KIF5C: variants seen among roughly 807,000 people sequenced by gnomAD.
KIF5C encodes the protein kinesin heavy chain isoform 5C.
In KIF5C, 18 loss-of-function variants were observed where a neutral mutation model predicts 125.2. The observed-to-expected ratio is 0.14, with a 90% CI of 0.10 to 0.21. The LOEUF (loss-of-function observed/expected upper bound fraction) is 0.21, where lower values mean the gene tolerates loss of function less well. Among genes scored for constraint, KIF5C ranks in the 10% least tolerant of loss-of-function variants. The probability of loss-of-function intolerance (pLI) is 1.00; values close to 1 mark genes in which losing one functional copy is unlikely to be tolerated. For synonymous variants in KIF5C, 405 were observed against 434.0 expected, an observed-to-expected ratio of 0.93 and a Z score of 0.83; for missense variants, 780 against 1,183.8, an observed-to-expected ratio of 0.66 and a Z score of 5.01.
chr2:148,945,038 C>T (rs1682490950), intron 7 of KIF5C, among the ~76,000 whole-genome samples: 1 of 152,092 alleles, frequency 6.6e-6, no homozygotes, highest in Admixed American at 6.5e-5. Context: ...GTATTCTGGA[C>T]ATCAATCCCT....
At chr2:148,934,143 C>G (rs1414721388) in intron 3 of KIF5C, among the ~76,000 whole-genome samples, 1 of 151,142 alleles carries the variant, frequency 6.6e-6, no homozygotes, top group African/African-American at 2.4e-5. Context: ...ATACATCATA[C>G]ACACACAGAC....
intron 25 of KIF5C, among the ~76,000 whole-genome samples, chr2:149,017,867 A>T (rs143213544): frequency 1.3e-5 from 2 of 152,222 alleles, no homozygotes; most frequent in Non-Finnish European, 2.9e-5. Flanking sequence ...TAAAACCACA[A>T]ATAAAAAGTC....
At chr2:148,897,058 C>G (rs1047728814) in intron 1 of KIF5C, among the ~76,000 whole-genome samples, 2 of 152,290 alleles carry the variant, frequency 1.3e-5, no homozygotes, top group Admixed American at 6.5e-5. Flanking sequence ...GTCTCAAACT[C>G]CTGACCTCAG....
intron 14 of KIF5C, among the ~76,000 whole-genome samples, chr2:148,982,535 G>T (rs921070572): frequency 6.6e-6 from 1 of 152,198 alleles, no homozygotes. Context: ...AATGCTCCTC[G>T]CGGCATACAT....
chr2:148,970,768 G>A (rs1356560567), intron 11 of KIF5C, among the ~76,000 whole-genome samples: 6 of 152,148 alleles, frequency 3.9e-5, no homozygotes, highest in Non-Finnish European at 7.3e-5. Flanking sequence ...GTCTATCCCC[G>A]GCCCCTGCCC....
intron 6 of KIF5C, 39 bp from the exon 7 acceptor site, chr2:148,942,634 A>T (rs1441824307): frequency 6.3e-7 from 1 of 1,582,936 alleles, no homozygotes; most frequent in South Asian, 1.2e-5. Context: ...GTTGCTTTTC[A>T]ACTCTTTCAG....
chr2:148,891,655 G>A (rs1681710779), intron 1 of KIF5C, among the ~76,000 whole-genome samples: 1 of 152,050 alleles, frequency 6.6e-6, no homozygotes, highest in African/African-American at 2.4e-5. Flanking sequence ...TTAAATAAGT[G>A]CTTTACATAT....
In KIF5C at chr2:148,897,918, C is replaced by CA. The variant is rs55762538; in HGVS notation, c.126+22215dup. 1.6e-3 allele frequency among the ~76,000 whole-genome samples: 32 copies of CA among 20,452 alleles called. 9 individuals carry two copies. The highest frequency in any genetic ancestry group is 4.1e-3 in the African/African-American group (18 of 4,344). 13.4% of individuals were successfully genotyped at this position (20,452 alleles called of 152,430 possible). ...TGGCTGACAGAGTAAGACTCAGTCT[C>CA]AAAAAAAAAAAAAAAAAAAAAAAAA... On this transcript the variant is annotated intron_variant, in intron 1 of 25. Transcript: ENST00000435030.
chr2:149,004,970 G>A (rs758393251), intron 21 of KIF5C, among the ~76,000 whole-genome samples: 55 of 152,136 alleles, frequency 3.6e-4, no homozygotes, highest in Admixed American at 5.2e-4. Context: ...AGTCAGTTAC[G>A]GTGAGATATT....
At chr2:148,955,956 T>C (rs150775499) in intron 10 of KIF5C, among the ~76,000 whole-genome samples, 2 of 152,322 alleles carry the variant, frequency 1.3e-5, no homozygotes, top group East Asian at 3.9e-4. Flanking sequence ...AATATCTTTG[T>C]GGTTATTCCA....
chr2:148,946,819 T>A, intron 7 of KIF5C, 80 bp from the exon 8 acceptor site: 1 of 1,576,920 alleles, frequency 6.3e-7, no homozygotes, highest in Non-Finnish European at 8.6e-7. Context: ...TAGGCATGAC[T>A]TGTTATGCTT....
chr2:149,018,398 C>A (rs752921361), intron 25 of KIF5C, among the ~76,000 whole-genome samples: 53 of 152,250 alleles, frequency 3.5e-4, no homozygotes, highest in Non-Finnish European at 6.5e-4. Context: ...ATCCTGTCTC[C>A]TCATTCTACA....
intron 11 of KIF5C, among the ~76,000 whole-genome samples, chr2:148,964,773 G>A (rs1198502990): frequency 6.6e-6 from 1 of 152,166 alleles, no homozygotes; most frequent in Non-Finnish European, 1.5e-5. Flanking sequence ...GGCCTGAGAT[G>A]GGCTCGAGGG....
rs1682197776 is a variant in KIF5C, at chr2:149,011,580, C to A, written c.2778C>A (p.Ile926=). The part of the protein sequence containing the change: ...RAHSAQIAKP[I]RPGHYPASSP... Reference sequence around the variant, plus strand: ...GTTGGTTGGATACAGCCAAGCCCATCCGCCCCGGACACTACCCGGCCTCAT... The same window carrying A: ...GTTGGTTGGATACAGCCAAGCCCATACGCCCCGGACACTACCCGGCCTCAT... Residue 926 remains isoleucine (I), a synonymous_variant, in exon 25 of 26, where the codon ATC becomes ATA. Coordinates refer to ENST00000435030, the MANE Select transcript of KIF5C (RefSeq NM_004522.3). 6.2e-7 allele frequency: 1 copy of A among 1,613,948 alleles called. No individual in the cohort carries two copies.
intron 12 of KIF5C, among the ~76,000 whole-genome samples, chr2:148,977,701 T>A (rs1681113981): frequency 6.6e-6 from 1 of 152,206 alleles, no homozygotes; most frequent in African/African-American, 2.4e-5. Flanking sequence ...AGCCAAATGA[T>A]GGTCTACATA....
chr2:148,993,457 T>G (rs1206849292), intron 16 of KIF5C, among the ~76,000 whole-genome samples: 1 of 152,216 alleles, frequency 6.6e-6, no homozygotes, highest in Non-Finnish European at 1.5e-5. Context: ...GGTTCAAAAG[T>G]AACAGAAACC....
At chr2:148,930,964 A>C (rs934930488) in intron 3 of KIF5C, among the ~76,000 whole-genome samples, 2 of 151,996 alleles carry the variant, frequency 1.3e-5, no homozygotes, top group East Asian at 3.9e-4. Context: ...TGACCTTGAG[A>C]CTATAGAAAA....
intron 11 of KIF5C, among the ~76,000 whole-genome samples, chr2:148,967,007 C>G (rs1680746348): frequency 6.6e-6 from 1 of 152,164 alleles, no homozygotes; most frequent in African/African-American, 2.4e-5. Flanking sequence ...CCAGGTAAGA[C>G]AGGGGCCACT....
rs1681906898 is a variant in KIF5C, at chr2:148,924,317, G to T, written c.217+2090G>T. On this transcript the variant is annotated intron_variant, in intron 2 of 25. Transcript: ENST00000435030. The surrounding 1 kb of genome is among the most constrained non-coding windows in gnomAD (Gnocchi z 4.0). ...CTAGAGGCTAATAATTAAATCAGAT[G>T]ATTTCCGAAGAGCACCATAGTCCCC... is the stretch of plus-strand genomic sequence containing the variant. Among the ~76,000 whole-genome samples the T allele has an allele frequency of 6.6e-6, 1 of 152,074 alleles. No homozygotes were observed. Among genetic ancestry groups the T allele is most frequent in the Non-Finnish European group, 1.5e-5 (1 of 68,024 alleles).
Sources: allele counts gnomAD v4.1 joint callset (sites outside exome capture counted in the v4.1 genomes callset), GRCh38; gene constraint gnomAD v4.1.1; non-coding constraint Gnocchi (gnomAD v3.1); transcripts MANE v1.5; gene names NCBI Gene and HGNC (gene_info 2026-07-23, HGNC 2026-07-21).